Variants in HMG20A observed in about 807,000 individuals in gnomAD.
HMG20A encodes high mobility group protein 20A.
In HMG20A, 17 loss-of-function variants were observed where a neutral mutation model predicts 43.9. That is an observed-to-expected ratio of 0.39 (90% CI 0.27 to 0.58). HMG20A has a LOEUF of 0.58. Among genes scored for constraint, HMG20A ranks in the 20% least tolerant of loss-of-function variants. HMG20A has a pLI of 0.59. For synonymous variants in HMG20A, 132 were observed against 147.5 expected (o/e 0.89, Z 0.76); for missense variants, 341 against 438.2 (o/e 0.78, Z 1.98).
At chr15:77,501,018 C>T in the HMG20A span, among the ~76,000 whole-genome samples, 28 of 152,276 alleles carry the variant, frequency 1.8e-4, no homozygotes, top group African/African-American at 5.3e-4. Context: ...TCAGAATTCA[C>T]GGCTCCAGCA....
intron 3 of HMG20A, 26 bp downstream of exon 3, chr15:77,464,413 C>A: frequency 1.2e-6 from 2 of 1,609,168 alleles, no homozygotes; most frequent in South Asian, 1.1e-5. Flanking sequence ...TCCTTCTGTT[C>A]CTATCCTCTG....
the HMG20A span, among the ~76,000 whole-genome samples, chr15:77,508,126 G>A: frequency 6.6e-6 from 1 of 152,206 alleles, no homozygotes; most frequent in Non-Finnish European, 1.5e-5. Flanking sequence ...AATCTGCTCA[G>A]TGAGGTTGGG....
rs537381017 is a variant in HMG20A, at chr15:77,449,615, A to G, written c.-4-8789A>G. Among the ~76,000 whole-genome samples the G allele has an allele frequency of 3.9e-5, 6 of 152,228 alleles. No homozygotes were observed. In the East Asian group the frequency reaches 1.2e-3, roughly 29 times the overall value. ...AAAATACATAATTATAATATTCTAAATATATAATATGGCAATTTTAAAATG... is the reference window on the plus strand; with the variant it reads ...AAAATACATAATTATAATATTCTAAGTATATAATATGGCAATTTTAAAATG... On this transcript the variant is annotated intron_variant, in intron 1 of 9. Transcript: ENST00000336216.
the HMG20A span, among the ~76,000 whole-genome samples, chr15:77,492,331 G>C: frequency 1.3e-5 from 2 of 152,104 alleles, no homozygotes; most frequent in African/African-American, 2.4e-5. Flanking sequence ...AAAGTCACAG[G>C]TCCTGCCAAT....
chr15:77,471,850 A>T, intron 6 of HMG20A, 36 bp downstream of exon 6: 2 of 1,215,658 alleles, frequency 1.6e-6, no homozygotes, highest in Non-Finnish European at 2.3e-6. Flanking sequence ...ATATATATGT[A>T]TTTATAATAA....
intron 1 of HMG20A, among the ~76,000 whole-genome samples, chr15:77,451,682 C>CA (rs2072603662): frequency 6.7e-6 from 1 of 150,204 alleles, no homozygotes; most frequent in Admixed American, 6.6e-5. Flanking sequence ...CTGGAACAGA[C>CA]AAAAAACAAG....
At chr15:77,478,639 T>C in intron 8 of HMG20A, 129 bp downstream of exon 8, 1 of 712,026 alleles carries the variant, frequency 1.4e-6, no homozygotes, top group Non-Finnish European at 2.3e-6. Context: ...TTAAACTACA[T>C]TTTTTCTTCT....
intron 1 of HMG20A, among the ~76,000 whole-genome samples, chr15:77,421,562 G>A (rs995945093): frequency 6.6e-6 from 1 of 152,186 alleles, no homozygotes; most frequent in African/African-American, 2.4e-5. Flanking sequence ...GGTGAAGTGT[G>A]GTGCCCTCTG....
intron 1 of HMG20A, among the ~76,000 whole-genome samples, chr15:77,448,938 C>T (rs1476963187): frequency 6.6e-6 from 1 of 152,058 alleles, no homozygotes; most frequent in African/African-American, 2.4e-5. Flanking sequence ...GTAATCTCAG[C>T]CACTCGGGAG....
chr15:77,501,328 A>G, the HMG20A span, among the ~76,000 whole-genome samples: 1 of 151,988 alleles, frequency 6.6e-6, no homozygotes, highest in Non-Finnish European at 1.5e-5. Context: ...GCTCCTGGCA[A>G]CTTCTTGAGA....
chr15:77,452,432 A>C (rs940150356), intron 1 of HMG20A, among the ~76,000 whole-genome samples: 1 of 152,194 alleles, frequency 6.6e-6, no homozygotes. Context: ...TACATTCTTG[A>C]TTGATCCAAG....
At chr15:77,445,072 A>G (rs955177083) in intron 1 of HMG20A, among the ~76,000 whole-genome samples, 1 of 152,224 alleles carries the variant, frequency 6.6e-6, no homozygotes, top group Non-Finnish European at 1.5e-5. Flanking sequence ...CTTTGATGGG[A>G]TTAGTTTCCA....
chr15:77,421,599 TTC>T (rs1347055673), intron 1 of HMG20A, among the ~76,000 whole-genome samples: 1 of 152,260 alleles, frequency 6.6e-6, no homozygotes, highest in African/African-American at 2.4e-5. Flanking sequence ...GAAATCTAGC[TTC>T]TCTTTTAAGG....
In HMG20A at chr15:77,464,692, A is replaced by G. The variant is rs2072738529; in HGVS notation, c.237+305A>G. On this transcript the variant is annotated intron_variant, in intron 3 of 9. Coordinates refer to ENST00000336216, the MANE Select transcript of HMG20A (RefSeq NM_001304504.2). The stretch of plus-strand genomic sequence containing the variant: ...TTAATAAGTAACTAATGAGAAGTGT[A>G]CATGCCCTTGCTCAAGGCTCTGCTC... 1.2e-5 allele frequency: 3 copies of G among 244,574 alleles called. No homozygotes were observed. The South Asian group carries it at 1.7e-4, about 14-fold the overall frequency. The allele number at this position is 244,574 out of a possible 1,614,324, so 15.2% of individuals were successfully genotyped here.
chr15:77,424,962 A>G lies in HMG20A; in HGVS notation c.-5+3958A>G, dbSNP rs560732789. Among the ~76,000 whole-genome samples the G allele has an allele frequency of 1.3e-4, 20 of 152,008 alleles. No homozygotes were observed. The East Asian group carries it at 3.5e-3, about 26-fold the overall frequency. On this transcript the variant is annotated intron_variant, in intron 1 of 9. Transcript: ENST00000336216. ...TCCAAACGGGATCGCCTCTGGGGGG[A>G]AAAAAATCTGTACTGCACCCAGCAT...
the HMG20A span, among the ~76,000 whole-genome samples, chr15:77,504,788 C>A: frequency 5.3e-4 from 80 of 152,182 alleles, no homozygotes; most frequent in South Asian, 0.017. Flanking sequence ...ATGCAAAGGG[C>A]AGTGAGCTTG....
intron 1 of HMG20A, among the ~76,000 whole-genome samples, chr15:77,452,052 A>T: frequency 6.6e-6 from 1 of 152,248 alleles, no homozygotes; most frequent in East Asian, 1.9e-4. Flanking sequence ...CCCCAGTTTC[A>T]GAGTTAATCC....
intron 2 of HMG20A, among the ~76,000 whole-genome samples, chr15:77,462,608 C>T (rs1049542450): frequency 6.6e-6 from 1 of 151,814 alleles, no homozygotes; most frequent in Admixed American, 6.6e-5. Context: ...TCCACACACA[C>T]ACACACACAC....
the HMG20A span, among the ~76,000 whole-genome samples, chr15:77,498,597 G>A: frequency 6.6e-6 from 1 of 152,168 alleles, no homozygotes; most frequent in South Asian, 2.1e-4. Flanking sequence ...TGGGAACTCT[G>A]GGGTTCACAT....
Sources: gnomAD v4.1 joint callset for allele counts (sites outside exome capture counted in the v4.1 genomes callset) on GRCh38, gnomAD v4.1.1 for gene constraint, MANE v1.5 for transcripts, NCBI Gene and HGNC (gene_info 2026-07-23, HGNC 2026-07-21) for gene names.